The following EXPH5 variants were observed in gnomAD, a reference collection of about 807,000 sequenced individuals.
EXPH5 encodes the protein exophilin 5, also known as exophilin-5.
A neutral mutation model predicts 41.1 loss-of-function variants in EXPH5; 42 were observed. The ratio of observed to expected loss-of-function variants is 1.02; its 90% CI spans 0.80 to 1.32. The LOEUF is 1.32. Ranked by LOEUF, EXPH5 falls within the 40% of genes most tolerant of loss-of-function variation. EXPH5 has a pLI of 0.00. For missense variants in EXPH5, 2,298 were observed against 2,314.5 expected (o/e 0.99, Z 0.15); for synonymous variants, 798 against 833.5 (o/e 0.96, Z 0.73).
chr11:108,560,279 T>C (rs1429609906), intron 1 of EXPH5, among the ~76,000 whole-genome samples: 2 of 152,226 alleles, frequency 1.3e-5, no homozygotes, highest in Non-Finnish European at 2.9e-5. Context: ...TTGACATCAG[T>C]TAAAGCTCAT....
At chr11:108,602,719 C>G in the EXPH5 span, among the ~76,000 whole-genome samples, 1 of 152,178 alleles carries the variant, frequency 6.6e-6, no homozygotes. Flanking sequence ...CCATCTAAAA[C>G]TGTCTTTAAC....
intron 4 of EXPH5, among the ~76,000 whole-genome samples, chr11:108,521,884 T>G (rs1469658121): frequency 6.6e-6 from 1 of 152,216 alleles, no homozygotes; most frequent in African/African-American, 2.4e-5. Context: ...CCAGTACATT[T>G]CTTGTGGCCC....
intron 1 of EXPH5, among the ~76,000 whole-genome samples, chr11:108,555,159 A>G (rs917359478): frequency 1.8e-4 from 27 of 152,366 alleles, no homozygotes; most frequent in East Asian, 7.7e-4. Context: ...TCCGCCTGTC[A>G]TCACCCGGCT....
chr11:108,573,005 C>T (rs2094065874), intron 1 of EXPH5, among the ~76,000 whole-genome samples: 1 of 150,244 alleles, frequency 6.7e-6, no homozygotes, highest in Non-Finnish European at 1.5e-5. Flanking sequence ...TGCTTGAGCC[C>T]AGGAGTTTGA....
chr11:108,573,332 C>T (rs1268146447), intron 1 of EXPH5, among the ~76,000 whole-genome samples: 3 of 152,174 alleles, frequency 2.0e-5, no homozygotes, highest in African/African-American at 7.2e-5. Flanking sequence ...ATCTAAATGA[C>T]AATCAGTCCA....
chr11:108,524,921 A>G (rs926704052), intron 4 of EXPH5, among the ~76,000 whole-genome samples: 28 of 152,278 alleles, frequency 1.8e-4, no homozygotes, highest in African/African-American at 6.3e-4. Flanking sequence ...TGTGTCCCCA[A>G]CCAAATCTCA....
At chr11:108,582,711 G>T (rs1300044201) in intron 1 of EXPH5, among the ~76,000 whole-genome samples, 2 of 152,164 alleles carry the variant, frequency 1.3e-5, no homozygotes, top group Non-Finnish European at 2.9e-5. Flanking sequence ...GGAGGCTGGA[G>T]GTCAAGGTGC....
At chr11:108,591,018 T>C (rs905442373) in intron 1 of EXPH5, among the ~76,000 whole-genome samples, 12 of 152,164 alleles carry the variant, frequency 7.9e-5, no homozygotes, top group Non-Finnish European at 1.5e-4. Context: ...ATCATAGATA[T>C]AAATGAACTC....
intron 3 of EXPH5, among the ~76,000 whole-genome samples, chr11:108,536,280 CTTT>C (rs779211146): frequency 1.4e-5 from 2 of 140,530 alleles, no homozygotes. Context: ...ATCTTTTTGC[CTTT>C]TTTTTTTTTT....
Position 108,593,431 on chromosome 11 carries a change from T to C in EXPH5, c.106A>G (p.Lys36Glu). Reference protein sequence around the residue: ...ERNEELQRAEKDRISKLQKTK... With the variant: ...ERNEELQRAEEDRISKLQKTK... Reference sequence around the variant, plus strand: ...TTTGCTCTGTACCTGATCCTGTCCTTCTCGGCCCTCTGTAACTCCTCATTC... The same window carrying C: ...TTTGCTCTGTACCTGATCCTGTCCTCCTCGGCCCTCTGTAACTCCTCATTC... Residue 36 changes from lysine (K) to glutamate (E), a missense_variant, in exon 1 of 6, where the codon AAG becomes GAG. Transcript: ENST00000265843. 1.9e-6 allele frequency: 3 copies of C among 1,613,926 alleles called. No individual in the cohort carries two copies. Among genetic ancestry groups the C allele is most frequent in the East Asian group, 4.5e-5 (2 of 44,882 alleles).
At chr11:108,573,069 TAAG>T (rs2094066235) in intron 1 of EXPH5, among the ~76,000 whole-genome samples, 1 of 53,052 alleles carries the variant, frequency 1.9e-5, no homozygotes, top group Admixed American at 1.8e-4. Flanking sequence ...TTGAAAAAAA[TAAG>T]AGAGAGAGAG....
At chr11:108,547,912 C>T (rs561592774) in intron 1 of EXPH5, among the ~76,000 whole-genome samples, 7 of 152,106 alleles carry the variant, frequency 4.6e-5, no homozygotes, top group Non-Finnish European at 8.8e-5. Context: ...TAGTTCAAGA[C>T]CAGCCTGGCC....
chr11:108,581,756 G>A (rs958097046), intron 1 of EXPH5, among the ~76,000 whole-genome samples: 10 of 151,840 alleles, frequency 6.6e-5, no homozygotes, highest in African/African-American at 2.4e-4. Context: ...CCTTTAACAC[G>A]ACTAAAAAGG....
At chr11:108,548,267 T>C (rs1314578732) in intron 1 of EXPH5, among the ~76,000 whole-genome samples, 2 of 152,118 alleles carry the variant, frequency 1.3e-5, no homozygotes, top group Non-Finnish European at 2.9e-5. Context: ...TGTGATGAGA[T>C]TGACTTTCAT....
At chr11:108,590,250 A>G (rs996027540) in intron 1 of EXPH5, among the ~76,000 whole-genome samples, 2 of 152,166 alleles carry the variant, frequency 1.3e-5, no homozygotes, top group Non-Finnish European at 2.9e-5. Context: ...AAGGGGCAGC[A>G]TGGTATCTCA....
intron 1 of EXPH5, among the ~76,000 whole-genome samples, chr11:108,556,080 A>C (rs2093988506): frequency 6.6e-6 from 1 of 152,234 alleles, no homozygotes; most frequent in Non-Finnish European, 1.5e-5. Flanking sequence ...TTAGTGATTC[A>C]TGAATTGAGT....
chr11:108,538,902 T>C (rs1310354381), intron 3 of EXPH5, 122 bp downstream of exon 3: 1 of 914,030 alleles, frequency 1.1e-6, no homozygotes, highest in African/African-American at 1.7e-5. Flanking sequence ...TTTCCTTTGT[T>C]CTTAATACCA....
chr11:108,570,896 G>A (rs1340102756), intron 1 of EXPH5, among the ~76,000 whole-genome samples: 1 of 152,220 alleles, frequency 6.6e-6, no homozygotes, highest in East Asian at 1.9e-4. Flanking sequence ...TTTGGAAATT[G>A]TGGCATTTAC....
chr11:108,532,362 ATATATTTTTTT>A (rs1486835338), intron 3 of EXPH5, among the ~76,000 whole-genome samples: 8 of 20,140 alleles, frequency 4.0e-4, no homozygotes, highest in African/African-American at 2.7e-3. Flanking sequence ...ATATATATAT[ATATATTTTTTT>A]TTTTTTTTTT....
Sources: gnomAD v4.1 joint callset for allele counts (sites outside exome capture counted in the v4.1 genomes callset) on GRCh38, gnomAD v4.1.1 for gene constraint, MANE v1.5 for transcripts, NCBI Gene and HGNC (gene_info 2026-07-23, HGNC 2026-07-21) for gene names.